Variants in ARIH2 observed in about 807,000 individuals in gnomAD.
The protein encoded by ARIH2 is E3 ubiquitin-protein ligase ARIH2.
Under a neutral mutation model 79.8 loss-of-function variants are expected in ARIH2, and 12 were observed. The observed-to-expected ratio is 0.15, with a 90% CI of 0.10 to 0.24. The LOEUF (loss-of-function observed/expected upper bound fraction) is 0.24, where lower values mean the gene tolerates loss of function less well. Ranked by LOEUF, ARIH2 falls within the 10% of genes least tolerant of loss-of-function variation. The probability of loss-of-function intolerance (pLI) is 1.00; values close to 1 mark genes in which losing one functional copy is unlikely to be tolerated. For missense variants in ARIH2, 301 were observed against 618.3 expected (o/e 0.49, Z 5.44); for synonymous variants, 224 against 213.9 (o/e 1.05, Z -0.41).
At position 48,983,263 on chromosome 3, in the gene ARIH2, A is replaced by C. The variant is rs745744423; in HGVS notation, c.1475A>C (p.Asp492Ala). 2 of 1,614,004 alleles carry C rather than the reference A, an allele frequency of 1.2e-6. No homozygotes were observed. The highest frequency in any genetic ancestry group is 1.7e-6 in the Non-Finnish European group (2 of 1,180,026). ...AGAACCCTGCTGAAAGATTTCCATG[A>C]CACCTAAGTTGGGATGTGGATGTGC... Reference protein sequence around the residue: ...RRRTLLKDFHDT With the variant: ...RRRTLLKDFHAT The change falls in exon 16 of 16, where the codon GAC (aspartate) becomes GCC (alanine). Residue 492 changes from aspartate to alanine, a missense_variant. Physicochemically the swap from Asp to Ala is moderately radical, Grantham distance 126. Around this residue, in one of 2 missense-constraint regions of ARIH2, gnomAD observed 78 missense variants for 268.9 expected, o/e 0.29. Transcript: ENST00000356401.
chr3:48,959,140 C>T (rs1241857189), intron 3 of ARIH2, among the ~76,000 whole-genome samples: 8 of 151,590 alleles, frequency 5.3e-5, no homozygotes, highest in South Asian at 4.2e-4. Context: ...CACGGTGAAA[C>T]CCCATCTCTA....
At chr3:48,941,334 C>T (rs921251901) in intron 3 of ARIH2, among the ~76,000 whole-genome samples, 2 of 152,074 alleles carry the variant, frequency 1.3e-5, no homozygotes, top group African/African-American at 4.8e-5. Context: ...AAAAATAGTG[C>T]TTTATATATC....
intron 3 of ARIH2, chr3:48,934,287 T>C: frequency 1.4e-6 from 1 of 704,000 alleles, no homozygotes; most frequent in African/African-American, 1.9e-5. Flanking sequence ...AATACTTATA[T>C]AATGCCAAGT....
chr3:48,937,153 T>C (rs2087268567), intron 3 of ARIH2, among the ~76,000 whole-genome samples: 1 of 152,272 alleles, frequency 6.6e-6, no homozygotes, highest in Non-Finnish European at 1.5e-5. Flanking sequence ...GCTGTTCTTA[T>C]AATTGTGAAC....
intron 3 of ARIH2, among the ~76,000 whole-genome samples, chr3:48,929,619 C>T (rs1170320620): frequency 6.6e-6 from 1 of 152,152 alleles, no homozygotes; most frequent in Non-Finnish European, 1.5e-5. Context: ...AGTCTTCTGA[C>T]TGCTTTATGT....
chr3:48,961,802 T>C, intron 4 of ARIH2, 123 bp downstream of exon 4: 1 of 627,424 alleles, frequency 1.6e-6, no homozygotes, highest in South Asian at 2.1e-5. Flanking sequence ...TTTAAAACAT[T>C]GGATTCTATT....
chr3:48,934,325 C>G, intron 3 of ARIH2: 1 of 845,118 alleles, frequency 1.2e-6, no homozygotes, highest in Non-Finnish European at 1.4e-6. Flanking sequence ...CTGGTGAAAA[C>G]TTTAATTATT....
Position 48,981,664 on chromosome 3 carries a change from G to C in ARIH2, c.1262G>C (p.Arg421Pro). ...TTCTCTTCTCTCCTGTTGCAGTGTC[G>C]ATACACCCTGCAATACACCTACCCA... is the stretch of plus-strand genomic sequence containing the variant. ...QNAAKLLAKCRYTLQYTYPYA... is the reference protein window; with the variant it reads ...QNAAKLLAKCPYTLQYTYPYA... Residue 421 changes from arginine (R) to proline (P), a missense_variant, in exon 14 of 16, where the codon CGA (arginine) becomes CCA (proline). Transcript: ENST00000356401. 1 of 1,613,156 alleles carries C rather than the reference G, an allele frequency of 6.2e-7. No individual in the cohort carries two copies. Among genetic ancestry groups the C allele is most frequent in the Non-Finnish European group, 8.5e-7 (1 of 1,179,388 alleles).
chr3:48,931,556 A>C (rs34732773), intron 3 of ARIH2, among the ~76,000 whole-genome samples: 642 of 152,118 alleles, frequency 4.2e-3, no homozygotes, highest in Middle Eastern at 0.01. Flanking sequence ...CTCAAAAAAA[A>C]AAAAGAGAAA....
chr3:48,958,668 C>A (rs2090891656), intron 3 of ARIH2, among the ~76,000 whole-genome samples: 1 of 151,972 alleles, frequency 6.6e-6, no homozygotes, highest in East Asian at 1.9e-4. Flanking sequence ...GAGATCGTAC[C>A]ACTGCACTCC....
At position 48,950,315 on chromosome 3, in the gene ARIH2, C is replaced by CT. The variant is rs1308839794; in HGVS notation, c.256-11290dup. Among the ~76,000 whole-genome samples, 3 of 149,450 alleles carry CT rather than the reference C, an allele frequency of 2.0e-5. No individual in the cohort carries two copies. In the South Asian group the frequency reaches 6.4e-4, roughly 32 times the overall value. On this transcript the variant is annotated intron_variant, in intron 3 of 15. Transcript: ENST00000356401. Reference sequence around the variant, plus strand: ...CTGTCTATTCCATTTTCTTTTTTTCCTTTTTTTACTCCATCTAGTTCTGCT... The same window carrying CT: ...CTGTCTATTCCATTTTCTTTTTTTCCTTTTTTTTACTCCATCTAGTTCTGCT...
intron 3 of ARIH2, among the ~76,000 whole-genome samples, chr3:48,932,539 T>G (rs2086511682): frequency 6.6e-6 from 1 of 152,228 alleles, no homozygotes; most frequent in African/African-American, 2.4e-5. Flanking sequence ...ATAATTTTTT[T>G]CAGTTATTCA....
At chr3:48,938,414 G>C (rs909388062) in intron 3 of ARIH2, among the ~76,000 whole-genome samples, 1 of 151,896 alleles carries the variant, frequency 6.6e-6, no homozygotes, top group Admixed American at 6.6e-5. Flanking sequence ...ATACTTCTCA[G>C]CAGTATGAAA....
At chr3:48,932,336 T>G (rs544433293) in intron 3 of ARIH2, among the ~76,000 whole-genome samples, 2 of 152,296 alleles carry the variant, frequency 1.3e-5, no homozygotes, top group African/African-American at 2.4e-5. Flanking sequence ...TGTTGTGTTG[T>G]AGGAGGAGGG....
rs190922989 is a variant in ARIH2 at position 48,956,381 on chromosome 3, C to T, written c.256-5231C>T. Among the ~76,000 whole-genome samples the T allele has an allele frequency of 7.3e-3, 1,092 of 150,134 alleles. 10 individuals are homozygous for T. Among genetic ancestry groups the T allele is most frequent in the African/African-American group, 0.025 (1,035 of 40,800 alleles). ...CTCGAACTCCTGACCTCAGGTGATC[C>T]GCCTGCCTCTGCCTCCCAAAGTGCT... On this transcript the variant is annotated intron_variant, in intron 3 of 15. Transcript: ENST00000356401.
intron 11 of ARIH2, among the ~76,000 whole-genome samples, chr3:48,978,688 A>G (rs1414288523): frequency 2.0e-5 from 3 of 151,796 alleles, no homozygotes; most frequent in Non-Finnish European, 1.5e-5. Flanking sequence ...TGCCAGGCGC[A>G]GTGGCTCACG....
In ARIH2 at chr3:48,918,947, C is replaced by T. The variant is rs752109280; in HGVS notation, c.-213C>T. 12 of 1,553,760 alleles carry T rather than the reference C, an allele frequency of 7.7e-6. No individual in the cohort carries two copies. The Admixed American group carries it at 1.2e-4, about 16-fold the overall frequency. ...CCCAATCCGGTCCCTCTGGCCCGGC[C>T]TGACCCGGTCTGGCTTGTTCGGGCT... On this transcript the variant is annotated 5_prime_UTR_variant, in exon 1 of 16. Transcript: ENST00000356401.
At position 48,981,818 on chromosome 3, in the gene ARIH2, T is replaced by C. The variant is rs1053810839; in HGVS notation, c.1326+90T>C. ...TTTGCAGGAGAGTGAGGACCAGACCTTGGTCATTGGGAGGGCAAAGTTAAA... is the reference window on the plus strand; with the variant it reads ...TTTGCAGGAGAGTGAGGACCAGACCCTGGTCATTGGGAGGGCAAAGTTAAA... On this transcript the variant is annotated intron_variant, in intron 14 of 15. Transcript: ENST00000356401. 5 of 1,085,452 alleles carry C rather than the reference T, an allele frequency of 4.6e-6. No individual in the cohort carries two copies. In the African/African-American group the frequency reaches 6.3e-5, roughly 14 times the overall value. The allele number at this position is 1,085,452 out of a possible 1,614,324, so 67.2% of individuals were successfully genotyped here.
At chr3:48,923,601 A>G (rs897961460) in intron 2 of ARIH2, among the ~76,000 whole-genome samples, 2 of 150,372 alleles carry the variant, frequency 1.3e-5, no homozygotes, top group Admixed American at 6.7e-5. Flanking sequence ...GTCTCACTGC[A>G]GTCTTTGCCT....
Sources: gnomAD v4.1 joint callset for allele counts (sites outside exome capture counted in the v4.1 genomes callset) on GRCh38, gnomAD v4.1.1 for gene constraint, gnomAD v4.1.1 regional missense constraint, MANE v1.5 for transcripts, NCBI Gene and HGNC (gene_info 2026-07-23, HGNC 2026-07-21) for gene names.